PCDHA10: variants seen among roughly 807,000 people sequenced by gnomAD.
The protein encoded by PCDHA10 is protocadherin alpha 10.
In PCDHA10, 45 loss-of-function variants were observed where a neutral mutation model predicts 61.2. The ratio of observed to expected loss-of-function variants is 0.74; its 90% CI spans 0.58 to 0.94. The LOEUF (loss-of-function observed/expected upper bound fraction) is 0.94, where lower values mean the gene tolerates loss of function less well. Among genes scored for constraint, PCDHA10 ranks in the 40% least tolerant of loss-of-function variants. The pLI is 0.00. For synonymous variants in PCDHA10, 602 were observed against 548.8 expected (o/e 1.10, Z -1.35); for missense variants, 1,278 against 1,236.2 (o/e 1.03, Z -0.51).
intron 1 of PCDHA10, among the ~76,000 whole-genome samples, chr5:140,878,538 C>T (rs1001402199): frequency 3.9e-5 from 6 of 152,088 alleles, no homozygotes; most frequent in Non-Finnish European, 7.4e-5. Context: ...TGGCTCAAAC[C>T]AGTTTCAGAT....
chr5:140,886,062 C>T (rs925772414), intron 1 of PCDHA10, among the ~76,000 whole-genome samples: 10 of 152,172 alleles, frequency 6.6e-5, no homozygotes, highest in Non-Finnish European at 1.2e-4. Context: ...CTTACAAAAG[C>T]GTAGGGCCAT....
intron 1 of PCDHA10, chr5:140,882,822 G>A (rs782258212): frequency 6.2e-7 from 1 of 1,614,080 alleles, no homozygotes; most frequent in African/African-American, 1.3e-5. Flanking sequence ...GCACAAAACA[G>A]TCTTGAGCAA....
At chr5:140,902,514 T>C (rs1288692863) in intron 1 of PCDHA10, among the ~76,000 whole-genome samples, 1 of 152,128 alleles carries the variant, frequency 6.6e-6, no homozygotes, top group Non-Finnish European at 1.5e-5. Flanking sequence ...CTGTCATATA[T>C]GGTTTTTATT....
intron 1 of PCDHA10, chr5:140,969,195 A>G: frequency 6.2e-7 from 1 of 1,614,158 alleles, no homozygotes; most frequent in Non-Finnish European, 8.5e-7. Flanking sequence ...ATGTTTTACA[A>G]TACAGGGGCC....
At chr5:140,891,698 T>C (rs2063212804) in intron 1 of PCDHA10, among the ~76,000 whole-genome samples, 1 of 152,258 alleles carries the variant, frequency 6.6e-6, no homozygotes, top group Non-Finnish European at 1.5e-5. Context: ...TGCTGTTGTC[T>C]GAATTTGTAC....
Position 140,858,271 on chromosome 5 carries a change from C to A in PCDHA10, c.2223C>A (p.Ser741Arg). The change falls in exon 1 of 4, where the codon AGC becomes AGA. Residue 741 changes from serine (S) to arginine (R), a missense_variant. Physicochemically the swap from Ser to Arg is moderately radical, Grantham distance 110. Transcript: ENST00000307360. The stretch of plus-strand genomic sequence containing the variant: ...TGAAGCCCACGCTGGTGTGCTCTAG[C>A]GCGGTGGGGAGCTGGTCTTACTCGC... ...GPVKPTLVCS[S>R]AVGSWSYSQQ... 6.3e-7 allele frequency: 1 copy of A among 1,597,124 alleles called. No individual in the cohort carries two copies.
chr5:141,000,393 C>A (rs60881126), intron 3 of PCDHA10, among the ~76,000 whole-genome samples: 1,562 of 52,558 alleles, frequency 0.03, 14 homozygotes, highest in East Asian at 0.037. Context: ...CTCTCTCTCT[C>A]TCTATATATA....
Position 140,858,255 on chromosome 5 carries a change from C to T in PCDHA10, c.2207C>T (p.Thr736Met), listed in dbSNP as rs782505724. Residue 736 changes from threonine to methionine, a missense_variant, in exon 1 of 4, where the codon ACG becomes ATG. Physicochemically the swap from Thr to Met is moderately conservative, Grantham distance 81. Coordinates refer to ENST00000307360, the MANE Select transcript of PCDHA10 (RefSeq NM_018901.4). ...GGCGCATGTGGGCCGGTGAAGCCCA[C>T]GCTGGTGTGCTCTAGCGCGGTGGGG... ...TEGACGPVKP[T>M]LVCSSAVGSW... The T allele has an allele frequency of 1.9e-6, 3 of 1,596,960 alleles. No individual in the cohort carries two copies. In the South Asian group the frequency reaches 3.3e-5, roughly 18 times the overall value.
At chr5:140,891,040 C>G (rs2062916193) in intron 1 of PCDHA10, among the ~76,000 whole-genome samples, 1 of 144,978 alleles carries the variant, frequency 6.9e-6, no homozygotes, top group Admixed American at 6.6e-5. Context: ...TTAGGTGTGA[C>G]CCCCACAGCA....
intron 1 of PCDHA10, chr5:140,966,280 G>A (rs782249047): frequency 2.0e-4 from 74 of 365,660 alleles, no homozygotes; most frequent in Middle Eastern, 6.9e-4. Context: ...CTGGACAGTG[G>A]GGGTAGGGAG....
At chr5:140,883,621 C>T (rs368758287) in intron 1 of PCDHA10, 80 of 1,613,850 alleles carry the variant, frequency 5.0e-5, no homozygotes, top group Non-Finnish European at 6.4e-5. Flanking sequence ...TGAACGACAA[C>T]GCGCCGGCGT....
chr5:140,869,858 T>C (rs1554163543), intron 1 of PCDHA10: 5 of 1,610,642 alleles, frequency 3.1e-6, no homozygotes, highest in East Asian at 4.5e-5. Context: ...GTGAGCCTTA[T>C]GGAAAATGCT....
At chr5:140,957,674 T>C (rs2095374808) in intron 1 of PCDHA10, among the ~76,000 whole-genome samples, 1 of 152,084 alleles carries the variant, frequency 6.6e-6, no homozygotes, top group African/African-American at 2.4e-5. Flanking sequence ...AAATTAATTA[T>C]GAAATATCTA....
chr5:140,964,586 C>T (rs2095842092), intron 1 of PCDHA10, among the ~76,000 whole-genome samples: 1 of 152,078 alleles, frequency 6.6e-6, no homozygotes, highest in Non-Finnish European at 1.5e-5. Flanking sequence ...GAGGAAAGAT[C>T]ACTTTTCATG....
At chr5:140,966,860 TTGC>T (rs148181752) in intron 1 of PCDHA10, 30 of 1,577,282 alleles carry the variant, frequency 1.9e-5, no homozygotes, top group Middle Eastern at 1.7e-4. Context: ...CCTGCTGCTG[TTGC>T]TGCTGCTGCT....
chr5:140,988,526 G>C (rs1330767394), intron 3 of PCDHA10, among the ~76,000 whole-genome samples: 2 of 152,088 alleles, frequency 1.3e-5, no homozygotes, highest in Admixed American at 1.3e-4. Flanking sequence ...GTCTCTGCTG[G>C]CTCCATCCAT....
At chr5:140,893,381 A>G (rs755671273) in intron 1 of PCDHA10, among the ~76,000 whole-genome samples, 11 of 152,190 alleles carry the variant, frequency 7.2e-5, no homozygotes, top group Non-Finnish European at 1.6e-4. Context: ...TTTATGGGAC[A>G]GTGGCTCATG....
intron 1 of PCDHA10, among the ~76,000 whole-genome samples, chr5:140,900,263 G>A (rs909474202): frequency 2.0e-5 from 3 of 151,830 alleles, no homozygotes; most frequent in African/African-American, 7.3e-5. Flanking sequence ...GTACTCCATT[G>A]TGTATATGTA....
chr5:140,939,758 T>G (rs2092452335), intron 1 of PCDHA10, among the ~76,000 whole-genome samples: 1 of 152,234 alleles, frequency 6.6e-6, no homozygotes, highest in Non-Finnish European at 1.5e-5. Context: ...TGTCATTATA[T>G]AGTATTTCAG....
Sources: gnomAD v4.1 joint callset for allele counts (sites outside exome capture counted in the v4.1 genomes callset) on GRCh38, gnomAD v4.1.1 for gene constraint, MANE v1.5 for transcripts, NCBI Gene and HGNC (gene_info 2026-07-23, HGNC 2026-07-21) for gene names.